Variants in WDPCP observed in about 807,000 individuals in gnomAD.
WDPCP encodes the protein WD repeat containing planar cell polarity effector, also known as WD repeat-containing and planar cell polarity effector protein fritz homolog.
A neutral mutation model predicts 93.1 loss-of-function variants in WDPCP; 71 were observed. That is an observed-to-expected ratio of 0.76 (90% CI 0.63 to 0.93). The LOEUF is 0.93. Among genes scored for constraint, WDPCP ranks in the 40% least tolerant of loss-of-function variants. WDPCP has a pLI of 0.00. For missense variants in WDPCP, 844 were observed against 887.4 expected, an observed-to-expected ratio of 0.95 and a Z score of 0.62; for synonymous variants, 315 against 315.0, an observed-to-expected ratio of 1.00 and a Z score of 0.00.
chr2:63,313,880 A>ATGTGTGTGTG (rs1559312042), intron 12 of WDPCP, among the ~76,000 whole-genome samples: 1 of 3,572 alleles, frequency 2.8e-4, no homozygotes, highest in East Asian at 0.045. Flanking sequence ...ATATATATAT[A>ATGTGTGTGTG]TATATATTTT....
chr2:63,227,439 T>C (rs1167178991), intron 14 of WDPCP, among the ~76,000 whole-genome samples: 1 of 152,046 alleles, frequency 6.6e-6, no homozygotes, highest in African/African-American at 2.4e-5. Context: ...GCTTGTAGCA[T>C]TGTTAATATA....
chr2:63,412,377 T>C (rs1695081305), intron 9 of WDPCP, among the ~76,000 whole-genome samples: 1 of 152,088 alleles, frequency 6.6e-6, no homozygotes, highest in Admixed American at 6.5e-5. Flanking sequence ...AAGGGACATA[T>C]CTCAATGTAA....
intron 13 of WDPCP, among the ~76,000 whole-genome samples, chr2:63,281,335 G>A (rs1175150742): frequency 1.3e-5 from 2 of 152,126 alleles, no homozygotes; most frequent in African/African-American, 2.4e-5. Context: ...TTAAAAAAAT[G>A]TTGGTGTGGA....
chr2:63,422,283 T>A (rs1190788496), intron 9 of WDPCP, among the ~76,000 whole-genome samples: 2 of 152,224 alleles, frequency 1.3e-5, no homozygotes, highest in Non-Finnish European at 2.9e-5. Flanking sequence ...ACAGCCAACC[T>A]GAAGAGCCTC....
At chr2:63,284,254 G>A (rs1431600812) in intron 13 of WDPCP, among the ~76,000 whole-genome samples, 1 of 152,168 alleles carries the variant, frequency 6.6e-6, no homozygotes, top group African/African-American at 2.4e-5. Flanking sequence ...AAAGCAGATG[G>A]TTATAACTTA....
chr2:63,604,548 T>G, intron 3 of WDPCP: 1 of 669,066 alleles, frequency 1.5e-6, no homozygotes, highest in Admixed American at 3.1e-5. Context: ...GCAATAAATT[T>G]ACATTTTTTA....
chr2:63,591,747 T>C (rs1019041215), upstream of WDPCP, among the ~76,000 whole-genome samples: 5 of 152,206 alleles, frequency 3.3e-5, no homozygotes, highest in Non-Finnish European at 7.3e-5. Flanking sequence ...CATGGCCTAA[T>C]ACAGAGCAAC....
At chr2:63,607,167 G>A (rs554202752) in intron 3 of WDPCP, 190 of 422,420 alleles carry the variant, frequency 4.5e-4, no homozygotes, top group Non-Finnish European at 7.0e-4. Context: ...CTGTTAGTGT[G>A]CATTCTAAAT....
chr2:63,584,865 A>G (rs1253975560), intron 1 of WDPCP, among the ~76,000 whole-genome samples: 1 of 152,204 alleles, frequency 6.6e-6, no homozygotes, highest in Admixed American at 6.5e-5. Context: ...ACTCAAGGTT[A>G]GGTAGCTCAT....
upstream of WDPCP, chr2:63,588,814 A>G: frequency 1.6e-6 from 1 of 607,786 alleles, no homozygotes; most frequent in South Asian, 2.0e-5. Context: ...AGAGCTTGAA[A>G]AAAACCTCTG....
At chr2:63,653,930 T>C (rs1274212792) in intron 2 of WDPCP, among the ~76,000 whole-genome samples, 1 of 142,228 alleles carries the variant, frequency 7.0e-6, no homozygotes, top group African/African-American at 2.6e-5. Flanking sequence ...AAAAAATTAC[T>C]AGACATGCAA....
chr2:63,211,461 C>A (rs548712753), intron 14 of WDPCP, among the ~76,000 whole-genome samples: 1 of 152,146 alleles, frequency 6.6e-6, no homozygotes, highest in Non-Finnish European at 1.5e-5. Flanking sequence ...CCCATTTGTA[C>A]GTCAACATCA....
intron 1 of WDPCP, among the ~76,000 whole-genome samples, chr2:63,537,003 A>G (rs1177573822): frequency 2.6e-5 from 4 of 152,016 alleles, no homozygotes; most frequent in African/African-American, 7.2e-5. Context: ...CTGGGCCTCA[A>G]GTGATCCACC....
At chr2:63,830,693 C>T (rs555611276), upstream of WDPCP, among the ~76,000 whole-genome samples, 4 of 152,246 alleles carry the variant, frequency 2.6e-5, no homozygotes, top group Admixed American at 1.3e-4. Context: ...ATCTGATACT[C>T]TCCTCTCTGG....
chr2:63,132,530 G>T (rs948212345), intron 17 of WDPCP, among the ~76,000 whole-genome samples: 2 of 143,788 alleles, frequency 1.4e-5, no homozygotes, highest in African/African-American at 2.6e-5. Context: ...TTATTCTTTT[G>T]TTCTTTTTGT....
At chr2:63,595,370 G>A in intron 3 of WDPCP, 1 of 1,083,858 alleles carries the variant, frequency 9.2e-7, no homozygotes, top group Admixed American at 1.7e-5. Context: ...AGACTTTCTT[G>A]TGTCTAAATG....
At chr2:63,455,181 C>T (rs1698533906) in intron 6 of WDPCP, among the ~76,000 whole-genome samples, 1 of 151,702 alleles carries the variant, frequency 6.6e-6, no homozygotes, top group Non-Finnish European at 1.5e-5. Flanking sequence ...CACAGAAAAA[C>T]AGCAATCCAC....
chr2:63,212,943 C>T (rs1342164525), intron 14 of WDPCP, among the ~76,000 whole-genome samples: 1 of 152,108 alleles, frequency 6.6e-6, no homozygotes, highest in African/African-American at 2.4e-5. Context: ...TATATATGCA[C>T]CCAGTACAGG....
chr2:63,462,377 A>C (rs1699075440), intron 6 of WDPCP, among the ~76,000 whole-genome samples: 1 of 152,220 alleles, frequency 6.6e-6, no homozygotes, highest in Non-Finnish European at 1.5e-5. Flanking sequence ...GAGGGATAGC[A>C]TTAGGAGATA....
Sources: allele counts gnomAD v4.1 joint callset (sites outside exome capture counted in the v4.1 genomes callset), GRCh38; gene constraint gnomAD v4.1.1; transcripts MANE v1.5; gene names NCBI Gene and HGNC (gene_info 2026-07-23, HGNC 2026-07-21).